DGKK: variants seen among roughly 807,000 people sequenced by gnomAD.
DGKK encodes diacylglycerol kinase kappa, also known as 142 kDa diacylglycerol kinase.
In DGKK, 35 loss-of-function variants were observed where a neutral mutation model predicts 92.2. The ratio of observed to expected loss-of-function variants is 0.38; its 90% CI spans 0.29 to 0.50. DGKK has a LOEUF of 0.50. Ranked by LOEUF, DGKK falls within the 20% of genes least tolerant of loss-of-function variation. The pLI is 0.92. For synonymous variants in DGKK, 368 were observed against 360.6 expected (o/e 1.02, Z -0.23); for missense variants, 910 against 992.2 (o/e 0.92, Z 1.11).
chrX:50,422,856 G>A (rs782314454), intron 2 of DGKK, among the ~76,000 whole-genome samples: 1 of 112,402 alleles, frequency 8.9e-6, no homozygotes, highest in South Asian at 3.7e-4. Context: ...ATAATGAGAT[G>A]TGGTCTAACT....
At chrX:50,402,884 G>T (rs552923042) in intron 7 of DGKK, among the ~76,000 whole-genome samples, 177 bp downstream of exon 7, 11 of 111,338 alleles carry the variant, frequency 9.9e-5, no homozygotes, top group Admixed American at 7.6e-4. Context: ...CCAAAGAAAG[G>T]CTCCATAGTC....
In DGKK at chrX:50,429,963, C is replaced by A. The variant is rs1054560865; in HGVS notation, c.646-5605G>T. On this transcript the variant is annotated intron_variant, in intron 1 of 27. Transcript: ENST00000611977. The stretch of plus-strand genomic sequence containing the variant: ...GCAGGTAGTGAAAGGCGTTTTCTAA[C>A]GCAATTCTGTCCTATGAAAGACACC... Among the ~76,000 whole-genome samples, 41 of 112,117 alleles carry A rather than the reference C, an allele frequency of 3.7e-4. 1 individual carries two copies. The highest frequency in any genetic ancestry group is 7.1e-4 in the Non-Finnish European group (38 of 53,273).
At chrX:50,409,025 G>A (rs953040031) in intron 4 of DGKK, among the ~76,000 whole-genome samples, 5 of 111,379 alleles carry the variant, frequency 4.5e-5, no homozygotes, top group Admixed American at 9.5e-5. Flanking sequence ...AAGTCCTAAC[G>A]TCCACTACCT....
intron 2 of DGKK, among the ~76,000 whole-genome samples, chrX:50,423,700 AG>A (rs782256570): frequency 8.9e-6 from 1 of 111,963 alleles, no homozygotes; most frequent in Non-Finnish European, 1.9e-5. Flanking sequence ...CGCTTGTATG[AG>A]CTACTAAACA....
chrX:50,403,286 T>C, intron 6 of DGKK, 103 bp from the exon 7 acceptor site: 2 of 984,723 alleles, frequency 2.0e-6, no homozygotes, highest in South Asian at 2.5e-5. Flanking sequence ...ATTAGGTAAA[T>C]GACCCAAATG....
chrX:50,390,317 A>T lies in DGKK; in HGVS notation c.1926+11T>A, dbSNP rs1924653784. On this transcript the variant is annotated intron_variant, in intron 12 of 27. Coordinates refer to ENST00000611977, the MANE Select transcript of DGKK (RefSeq NM_001013742.4). ...AGATATTGGTCTGAATTACAGCTGA[A>T]CAGTAGTTACCTCAAATCGTGGTAC... 1.7e-6 allele frequency: 2 copies of T among 1,204,582 alleles called. No individual in the cohort carries two copies. The highest frequency in any genetic ancestry group is 2.2e-6 in the Non-Finnish European group (2 of 890,403).
intron 1 of DGKK, among the ~76,000 whole-genome samples, chrX:50,457,969 G>A (rs1557233015): frequency 9.0e-6 from 1 of 110,778 alleles, no homozygotes; most frequent in Non-Finnish European, 1.9e-5. Context: ...GAACGGCCAT[G>A]TTTCCGAGAA....
At chrX:50,460,487 C>A (rs781995087) in intron 1 of DGKK, among the ~76,000 whole-genome samples, 70 of 111,288 alleles carry the variant, frequency 6.3e-4, no homozygotes, top group African/African-American at 2.2e-3. Flanking sequence ...CTCTCAGTAT[C>A]CTACACGTGC....
At chrX:50,397,880 G>C (rs887085634) in intron 8 of DGKK, among the ~76,000 whole-genome samples, 1 of 111,306 alleles carries the variant, frequency 9.0e-6, no homozygotes. Flanking sequence ...TCATGTGTTA[G>C]GTGCTTTGAG....
intron 4 of DGKK, among the ~76,000 whole-genome samples, chrX:50,405,035 T>C (rs1369843448): frequency 9.0e-6 from 1 of 111,544 alleles, no homozygotes; most frequent in Non-Finnish European, 1.9e-5. Context: ...ATCAGCTTAA[T>C]TCATCCAATA....
chrX:50,397,343 C>T (rs1243584904), intron 8 of DGKK, among the ~76,000 whole-genome samples: 2 of 112,218 alleles, frequency 1.8e-5, no homozygotes, highest in African/African-American at 6.5e-5. Context: ...ATTCTCTTCC[C>T]GTACTTTTAA....
At chrX:50,398,086 C>G (rs999922248) in intron 8 of DGKK, among the ~76,000 whole-genome samples, 6 of 111,408 alleles carry the variant, frequency 5.4e-5, no homozygotes, top group African/African-American at 1.6e-4. Flanking sequence ...AAATTAGAGT[C>G]TACTGACTGA....
chrX:50,415,711 TC>T (rs1440173066), intron 4 of DGKK, among the ~76,000 whole-genome samples: 1 of 111,475 alleles, frequency 9.0e-6, no homozygotes, highest in Non-Finnish European at 1.9e-5. Context: ...TTTCTATTTC[TC>T]CCTTTTAGAA....
At chrX:50,376,658 T>C in intron 23 of DGKK, 100 bp downstream of exon 23, 1 of 853,940 alleles carries the variant, frequency 1.2e-6, no homozygotes, top group Non-Finnish European at 1.6e-6. Flanking sequence ...TAAATTCCTC[T>C]CTGAGGCCAG....
intron 21 of DGKK, 72 bp downstream of exon 21, chrX:50,378,506 G>T: frequency 1.1e-6 from 1 of 949,017 alleles, no homozygotes; most frequent in Non-Finnish European, 1.5e-6. Flanking sequence ...TTAATTCCTG[G>T]GACTATCCCA....
chrX:50,424,529 C>A (rs183999027), intron 1 of DGKK, among the ~76,000 whole-genome samples, 171 bp from the exon 2 acceptor site: 30 of 112,282 alleles, frequency 2.7e-4, no homozygotes, highest in Non-Finnish European at 3.9e-4. Context: ...TCAGATGAGA[C>A]ATTGGTTACC....
chrX:50,383,499 C>A (rs897093028), intron 17 of DGKK, among the ~76,000 whole-genome samples: 6 of 111,873 alleles, frequency 5.4e-5, no homozygotes, highest in African/African-American at 1.9e-4. Context: ...TAGCTGTGTC[C>A]TTTTGAGAAA....
intron 1 of DGKK, among the ~76,000 whole-genome samples, chrX:50,468,810 C>T (rs1926977023): frequency 9.1e-6 from 1 of 109,962 alleles, no homozygotes; most frequent in Admixed American, 9.6e-5. Context: ...TTATGGTCTG[C>T]TAGGCAGCAG....
At chrX:50,403,451 T>C in intron 6 of DGKK, 40 bp downstream of exon 6, 1 of 1,132,118 alleles carries the variant, frequency 8.8e-7, no homozygotes, top group Non-Finnish European at 1.2e-6. Flanking sequence ...GAAGGGGACA[T>C]GGGAGAGGCC....
Sources: allele counts gnomAD v4.1 joint callset (sites outside exome capture counted in the v4.1 genomes callset), GRCh38; gene constraint gnomAD v4.1.1; transcripts MANE v1.5; gene names NCBI Gene and HGNC (gene_info 2026-07-23, HGNC 2026-07-21).